Variants in KLF8 observed in about 807,000 individuals in gnomAD.
KLF8 encodes the protein Krueppel-like factor 8.
Under a neutral mutation model 18.2 loss-of-function variants are expected in KLF8, and 10 were observed. That is an observed-to-expected ratio of 0.55 (90% CI 0.34 to 0.93). The LOEUF (loss-of-function observed/expected upper bound fraction) is 0.93, where lower values mean the gene tolerates loss of function less well. Ranked by LOEUF, KLF8 falls within the 40% of genes least tolerant of loss-of-function variation. The probability of loss-of-function intolerance (pLI) is 0.02; values close to 1 mark genes in which losing one functional copy is unlikely to be tolerated. For synonymous variants in KLF8, 109 were observed against 97.3 expected, an observed-to-expected ratio of 1.12 and a Z score of -0.71; for missense variants, 264 against 277.9, an observed-to-expected ratio of 0.95 and a Z score of 0.36.
the KLF8 span, among the ~76,000 whole-genome samples, chrX:55,952,336 G>A: frequency 2.7e-5 from 3 of 112,295 alleles, no homozygotes; most frequent in Non-Finnish European, 5.6e-5. Flanking sequence ...TATTGTTGCC[G>A]TAACAAGTTA....
chrX:56,201,668 A>T, the KLF8 span, among the ~76,000 whole-genome samples: 1 of 111,658 alleles, frequency 9.0e-6, no homozygotes, highest in Admixed American at 9.5e-5. Flanking sequence ...GGTGATGGAT[A>T]TGTCTATGGA....
chrX:56,025,738 G>T, the KLF8 span, among the ~76,000 whole-genome samples: 2 of 111,676 alleles, frequency 1.8e-5, no homozygotes, highest in Non-Finnish European at 3.8e-5. Flanking sequence ...CGTGATCATG[G>T]GAGGATCAGA....
At chrX:56,276,843 A>G (rs1381289997) in intron 5 of KLF8, among the ~76,000 whole-genome samples, 1 of 111,340 alleles carries the variant, frequency 9.0e-6, no homozygotes, top group East Asian at 2.8e-4. Flanking sequence ...TTCTACCCCT[A>G]TCTCTTTATC....
At chrX:56,028,304 G>A in the KLF8 span, among the ~76,000 whole-genome samples, 2 of 108,952 alleles carry the variant, frequency 1.8e-5, no homozygotes, top group South Asian at 3.8e-4. Context: ...TGGCTAGCAC[G>A]CAAAGTTTGG....
At chrX:56,127,259 T>C in the KLF8 span, among the ~76,000 whole-genome samples, 5 of 111,728 alleles carry the variant, frequency 4.5e-5, no homozygotes, top group East Asian at 8.5e-4. Context: ...TATCAATGTA[T>C]CCCTAGTACT....
At chrX:55,966,836 G>A in the KLF8 span, among the ~76,000 whole-genome samples, 1 of 111,929 alleles carries the variant, frequency 8.9e-6, no homozygotes, top group African/African-American at 3.2e-5. Flanking sequence ...TTCAGACAGA[G>A]AATTCAAAAT....
the KLF8 span, among the ~76,000 whole-genome samples, chrX:56,127,108 G>C: frequency 2.7e-5 from 3 of 110,745 alleles, no homozygotes; most frequent in Admixed American, 2.9e-4. Flanking sequence ...GCCTCCCAGA[G>C]AGACCTGTGT....
chrX:56,058,012 C>A, the KLF8 span, among the ~76,000 whole-genome samples: 1 of 104,013 alleles, frequency 9.6e-6, no homozygotes, highest in Admixed American at 1.1e-4. Flanking sequence ...GAGTTACTGG[C>A]GGCCAGGAAC....
Position 56,290,186 on chromosome X carries a change from T to C in KLF8, c.*5692T>C, listed in dbSNP as rs976980828. On this transcript the variant is annotated 3_prime_UTR_variant, in exon 6 of 6. Coordinates refer to ENST00000468660, the MANE Select transcript of KLF8 (RefSeq NM_007250.5). ...CACTTGGTTGACCTTAGGCAAGTCA[T>C]ATCACCTCTCTGTGCCTCAATTAAT... Among the ~76,000 whole-genome samples, 2 of 111,933 alleles carry C rather than the reference T, an allele frequency of 1.8e-5. No homozygotes were observed. The highest frequency in any genetic ancestry group is 3.8e-5 in the Non-Finnish European group (2 of 53,176).
At chrX:55,947,643 A>AG in the KLF8 span, among the ~76,000 whole-genome samples, 1 of 111,035 alleles carries the variant, frequency 9.0e-6, no homozygotes, top group African/African-American at 3.3e-5. Context: ...ATAGTAATAA[A>AG]AAAAATGCAA....
At chrX:56,067,311 A>T in the KLF8 span, among the ~76,000 whole-genome samples, 3 of 108,015 alleles carry the variant, frequency 2.8e-5, no homozygotes, top group Non-Finnish European at 3.9e-5. Context: ...TGTAGCCAAT[A>T]GGTCAGGCCT....
the KLF8 span, among the ~76,000 whole-genome samples, chrX:55,916,318 C>A: frequency 8.9e-6 from 1 of 111,830 alleles, no homozygotes; most frequent in East Asian, 2.8e-4. Flanking sequence ...AGTTTCACTG[C>A]CCGTAGCCCT....
the KLF8 span, among the ~76,000 whole-genome samples, chrX:56,037,544 G>A: frequency 1.8e-5 from 2 of 111,207 alleles, no homozygotes; most frequent in African/African-American, 6.5e-5. Flanking sequence ...GCTGGTTCAG[G>A]ACCTTCCTTT....
chrX:56,149,614 A>G, the KLF8 span, among the ~76,000 whole-genome samples: 3 of 111,894 alleles, frequency 2.7e-5, no homozygotes, highest in Non-Finnish European at 5.6e-5. Flanking sequence ...CAAAAAAAGA[A>G]ATGCAAAAAA....
At chrX:56,020,273 G>A in the KLF8 span, among the ~76,000 whole-genome samples, 1 of 111,523 alleles carries the variant, frequency 9.0e-6, no homozygotes, top group African/African-American at 3.3e-5. Context: ...AGGAAAGATT[G>A]TGAAGGGCAA....
intron 3 of KLF8, chrX:56,267,267 C>T (rs5960672): frequency 0.065 from 43,636 of 676,385 alleles, 5,688 homozygotes; most frequent in African/African-American, 0.59. Context: ...AAGACATACT[C>T]GAGACTGGGA....
chrX:56,189,105 T>G, the KLF8 span, among the ~76,000 whole-genome samples: 1 of 111,061 alleles, frequency 9.0e-6, no homozygotes, highest in East Asian at 2.8e-4. Flanking sequence ...GGGAGAAAAT[T>G]TTTGCAATCT....
In KLF8 at chrX:56,289,500, G is replaced by A. The variant is rs1402415021; in HGVS notation, c.*5006G>A. The stretch of plus-strand genomic sequence containing the variant: ...AACATATGTGTGTATACTATCCTAT[G>A]TATATGCACATTCTATAAATATTTC... On this transcript the variant is annotated 3_prime_UTR_variant, in exon 6 of 6. Coordinates refer to ENST00000468660, the MANE Select transcript of KLF8 (RefSeq NM_007250.5). 8.9e-6 allele frequency among the ~76,000 whole-genome samples: 1 copy of A among 111,760 alleles called. No homozygotes were observed. The highest frequency in any genetic ancestry group is 1.9e-5 in the Non-Finnish European group (1 of 53,180).
the KLF8 span, among the ~76,000 whole-genome samples, chrX:56,148,833 G>A: frequency 9.0e-6 from 1 of 111,436 alleles, no homozygotes; most frequent in East Asian, 2.8e-4. Context: ...ATGTCCACCT[G>A]GCCCAACCCT....
Sources: allele counts gnomAD v4.1 joint callset (sites outside exome capture counted in the v4.1 genomes callset), GRCh38; gene constraint gnomAD v4.1.1; transcripts MANE v1.5; gene names NCBI Gene and HGNC (gene_info 2026-07-23, HGNC 2026-07-21).